The following DPP10 variants were observed in gnomAD, a reference collection of about 807,000 sequenced individuals.
DPP10 encodes dipeptidyl peptidase like 10.
Under a neutral mutation model 120.9 loss-of-function variants are expected in DPP10, and 33 were observed. The ratio of observed to expected loss-of-function variants is 0.27; its 90% CI spans 0.21 to 0.37. The LOEUF is 0.37. Ranked by LOEUF, DPP10 falls within the 10% of genes least tolerant of loss-of-function variation. The probability of loss-of-function intolerance (pLI) is 1.00; values close to 1 mark genes in which losing one functional copy is unlikely to be tolerated. For synonymous variants in DPP10, 337 were observed against 326.1 expected (o/e 1.03, Z -0.36); for missense variants, 816 against 942.8 (o/e 0.87, Z 1.76).
At chr2:115,767,413 G>A (rs1680892615) in intron 12 of DPP10, among the ~76,000 whole-genome samples, 1 of 151,778 alleles carries the variant, frequency 6.6e-6, no homozygotes, top group African/African-American at 2.4e-5. Flanking sequence ...TCAGATAAAT[G>A]TGTTTTCTTA....
chr2:115,312,370 CT>C (rs2061616330), intron 2 of DPP10, among the ~76,000 whole-genome samples: 3 of 152,166 alleles, frequency 2.0e-5, no homozygotes, highest in Non-Finnish European at 4.4e-5. Context: ...GTCGCATGGC[CT>C]TTACGGTGGG....
chr2:114,773,207 G>A (rs116478777), intron 1 of DPP10, among the ~76,000 whole-genome samples: 112 of 152,276 alleles, frequency 7.4e-4, no homozygotes, highest in African/African-American at 2.6e-3. Flanking sequence ...CCAGTGATTG[G>A]TAGTGGGAAC....
chr2:114,753,282 A>AC (rs34637493), intron 1 of DPP10, among the ~76,000 whole-genome samples: 2 of 152,056 alleles, frequency 1.3e-5, no homozygotes, highest in Non-Finnish European at 2.9e-5. Flanking sequence ...AAGCTTGCCA[A>AC]CCCCCTCCCA....
chr2:115,054,653 C>G (rs1294334896), intron 1 of DPP10, among the ~76,000 whole-genome samples: 4 of 152,304 alleles, frequency 2.6e-5, no homozygotes, highest in African/African-American at 7.2e-5. Flanking sequence ...CGGCTCATGC[C>G]TAGAATCCCA....
At chr2:115,804,539 GT>G in intron 19 of DPP10, among the ~76,000 whole-genome samples, 1 of 152,270 alleles carries the variant, frequency 6.6e-6, no homozygotes, top group Non-Finnish European at 1.5e-5. Flanking sequence ...TTTCTGCTCT[GT>G]TTTTTCCCCA....
chr2:115,659,763 A>G (rs1460770731), intron 5 of DPP10, among the ~76,000 whole-genome samples: 1 of 152,210 alleles, frequency 6.6e-6, no homozygotes. Flanking sequence ...TTTAGTCAGT[A>G]ACTATTACAA....
intron 1 of DPP10, among the ~76,000 whole-genome samples, chr2:114,767,443 A>T (rs925718110): frequency 4.6e-5 from 7 of 152,046 alleles, no homozygotes; most frequent in Non-Finnish European, 7.4e-5. Flanking sequence ...AGTACCAAAA[A>T]ATGATGAATG....
intron 5 of DPP10, among the ~76,000 whole-genome samples, chr2:115,675,951 T>C (rs1172420164): frequency 6.6e-6 from 1 of 152,064 alleles, no homozygotes; most frequent in Admixed American, 6.5e-5. Context: ...CTGGACCCAA[T>C]AGTTCAGCTG....
At chr2:114,831,555 A>G (rs1362553302) in intron 1 of DPP10, among the ~76,000 whole-genome samples, 3 of 152,204 alleles carry the variant, frequency 2.0e-5, no homozygotes, top group Admixed American at 2.0e-4. Context: ...GCCAAAACTC[A>G]GTCTGAGGTG....
chr2:114,585,568 A>G (rs1279084546), intron 1 of DPP10, among the ~76,000 whole-genome samples: 2 of 152,192 alleles, frequency 1.3e-5, no homozygotes, highest in African/African-American at 2.4e-5. Flanking sequence ...CTCTGGAGCC[A>G]TCTTTGAATT....
chr2:115,288,771 C>T (rs890647982), intron 1 of DPP10, among the ~76,000 whole-genome samples: 1 of 151,964 alleles, frequency 6.6e-6, no homozygotes, highest in Non-Finnish European at 1.5e-5. Context: ...CGTCAACCAA[C>T]TAGGTATAGA....
intron 1 of DPP10, among the ~76,000 whole-genome samples, chr2:114,981,783 T>TTG (rs963031169): frequency 7.9e-5 from 12 of 151,926 alleles, no homozygotes; most frequent in African/African-American, 1.2e-4. Context: ...GTTTTTGTTT[T>TTG]TTTTTTTAGA....
chr2:115,321,515 GT>G (rs35046366), intron 2 of DPP10, among the ~76,000 whole-genome samples: 7,540 of 121,564 alleles, frequency 0.062, 181 homozygotes, highest in South Asian at 0.1. Flanking sequence ...TTTTTTTAGT[GT>G]TTTTTTTTTT....
At chr2:115,836,115 G>GATA in intron 21 of DPP10, 42 bp from the exon 22 acceptor site, 2 of 919,818 alleles carry the variant, frequency 2.2e-6, no homozygotes, top group Non-Finnish European at 2.9e-6. Flanking sequence ...GTGTGTGTGT[G>GATA]TGAGATATAT....
At chr2:115,572,500 CAG>C (rs2081393434) in intron 5 of DPP10, among the ~76,000 whole-genome samples, 1 of 152,224 alleles carries the variant, frequency 6.6e-6, no homozygotes, top group South Asian at 2.1e-4. Flanking sequence ...TATGTAAACA[CAG>C]ATATGCTATA....
intron 9 of DPP10, among the ~76,000 whole-genome samples, chr2:115,743,710 G>A (rs1040769461): frequency 7.1e-6 from 1 of 141,252 alleles, no homozygotes; most frequent in Non-Finnish European, 1.5e-5. Flanking sequence ...TCTGATTTGT[G>A]ACATATTCTC....
chr2:115,143,310 AG>A (rs1249021111), intron 1 of DPP10, among the ~76,000 whole-genome samples: 1 of 152,196 alleles, frequency 6.6e-6, no homozygotes, highest in African/African-American at 2.4e-5. Context: ...GAAAAGCAAT[AG>A]CCCCTTTCAG....
intron 1 of DPP10, among the ~76,000 whole-genome samples, chr2:115,122,695 A>C (rs1436479999): frequency 6.6e-6 from 1 of 152,256 alleles, no homozygotes; most frequent in Non-Finnish European, 1.5e-5. Flanking sequence ...TTCAGAATAC[A>C]GACAGACAAA....
chr2:115,716,460 G>A (rs1323120288), intron 7 of DPP10, among the ~76,000 whole-genome samples: 1 of 152,040 alleles, frequency 6.6e-6, no homozygotes, highest in East Asian at 1.9e-4. Context: ...AATCTCATAG[G>A]GAGAAAAAGA....
Sources: gnomAD v4.1 joint callset for allele counts (sites outside exome capture counted in the v4.1 genomes callset) on GRCh38, gnomAD v4.1.1 for gene constraint, MANE v1.5 for transcripts, NCBI Gene and HGNC (gene_info 2026-07-23, HGNC 2026-07-21) for gene names.